Variants in REEP1 observed in about 807,000 individuals in gnomAD.
REEP1 encodes receptor accessory protein 1.
REEP1 carries 22 observed loss-of-function variants against 40.3 expected under a neutral mutation model. The observed-to-expected ratio is 0.55, with a 90% CI of 0.39 to 0.78. The LOEUF (loss-of-function observed/expected upper bound fraction) is 0.78, where lower values mean the gene tolerates loss of function less well. Ranked by LOEUF, REEP1 falls within the 30% of genes least tolerant of loss-of-function variation. REEP1 has a pLI of 0.00. For missense variants in REEP1, 280 were observed against 361.1 expected (o/e 0.78, Z 1.82); for synonymous variants, 116 against 139.2 (o/e 0.83, Z 1.17).
At chr2:86,337,676 C>T, upstream of REEP1, 1 of 1,006,120 alleles carries the variant, frequency 9.9e-7, no homozygotes, top group Non-Finnish European at 1.2e-6. The surrounding 1 kb of genome is among the most constrained non-coding windows in gnomAD (Gnocchi z 5.8). Flanking sequence ...GCAGCCGCGG[C>T]ACGTTCTGGC....
chr2:86,337,340 T>G lies in REEP1; in HGVS notation c.32+139A>C. 4.3e-6 allele frequency: 2 copies of G among 470,138 alleles called. No homozygotes were observed. The highest frequency in any genetic ancestry group is 4.6e-5 in the East Asian group (1 of 21,688). The allele number at this position is 470,138 out of a possible 1,614,324, so 29.1% of individuals were successfully genotyped here. The stretch of plus-strand genomic sequence containing the variant: ...TCCGCCCGCAGGCGTCCTCGGCGGC[T>G]ACTGTACCTGCTAAATTTAGCTGCG... On this transcript the variant is annotated intron_variant, in intron 1 of 8. Transcript: ENST00000538924. The surrounding 1 kb of genome is among the most constrained non-coding windows in gnomAD (Gnocchi z 5.8).
At chr2:86,255,185 C>T (rs1240806406) in intron 3 of REEP1, among the ~76,000 whole-genome samples, 1 of 152,182 alleles carries the variant, frequency 6.6e-6, no homozygotes, top group Admixed American at 6.5e-5. Flanking sequence ...AGGATCTCTT[C>T]TACGCTGTAC....
intron 2 of REEP1, among the ~76,000 whole-genome samples, chr2:86,278,837 T>C (rs1677906201): frequency 6.6e-6 from 1 of 152,250 alleles, no homozygotes; most frequent in East Asian, 1.9e-4. Context: ...CCCCAGTTCC[T>C]GGGTATCTTT....
chr2:86,267,151 G>T (rs142312088), intron 2 of REEP1, among the ~76,000 whole-genome samples: 1 of 152,062 alleles, frequency 6.6e-6, no homozygotes, highest in Non-Finnish European at 1.5e-5. Flanking sequence ...GTGTGGTTGT[G>T]TCCCCACTTA....
At chr2:86,253,904 G>T (rs1676412337) in intron 4 of REEP1, among the ~76,000 whole-genome samples, 1 of 152,204 alleles carries the variant, frequency 6.6e-6, no homozygotes, top group South Asian at 2.1e-4. Context: ...GTTAACGAAT[G>T]ATACAATGTT....
chr2:86,233,867 T>C (rs576336356), intron 5 of REEP1, among the ~76,000 whole-genome samples: 86 of 152,054 alleles, frequency 5.7e-4, no homozygotes, highest in African/African-American at 1.9e-3. Flanking sequence ...GCCACTTGGA[T>C]AATGAAGGAA....
chr2:86,270,463 G>C (rs1251453080), intron 2 of REEP1, among the ~76,000 whole-genome samples: 2 of 152,082 alleles, frequency 1.3e-5, no homozygotes, highest in African/African-American at 2.4e-5. Flanking sequence ...CCAAAGTGCT[G>C]GGATTACAGG....
intron 5 of REEP1, among the ~76,000 whole-genome samples, chr2:86,247,930 C>G (rs1676061066): frequency 6.6e-6 from 1 of 151,974 alleles, no homozygotes; most frequent in South Asian, 2.1e-4. Context: ...CATGATGATA[C>G]AAAAAACACT....
chr2:86,288,053 G>GCTGT (rs1678496668), intron 1 of REEP1, among the ~76,000 whole-genome samples: 1 of 142,464 alleles, frequency 7.0e-6, no homozygotes, highest in Admixed American at 6.7e-5. Context: ...ATGGAGTCTC[G>GCTGT]CTCCCATTGT....
chr2:86,271,703 G>C (rs146101241), intron 2 of REEP1, among the ~76,000 whole-genome samples: 1 of 152,222 alleles, frequency 6.6e-6, no homozygotes, highest in South Asian at 2.1e-4. Flanking sequence ...CACACTGCCA[G>C]GTTGTCTGTA....
At chr2:86,317,927 C>T (rs1187235325) in intron 1 of REEP1, among the ~76,000 whole-genome samples, 2 of 152,044 alleles carry the variant, frequency 1.3e-5, no homozygotes, top group Non-Finnish European at 1.5e-5. Context: ...GTTATTCAGA[C>T]CTGGGTATCT....
At chr2:86,315,553 CTCA>C (rs1282209203) in intron 1 of REEP1, among the ~76,000 whole-genome samples, 1 of 152,230 alleles carries the variant, frequency 6.6e-6, no homozygotes, top group African/African-American at 2.4e-5. Flanking sequence ...TGCCAGCTCA[CTCA>C]AGACCAGATG....
At chr2:86,277,254 AGGGGTAAAAGTCAAT>A (rs1677805539) in intron 2 of REEP1, among the ~76,000 whole-genome samples, 1 of 152,066 alleles carries the variant, frequency 6.6e-6, no homozygotes, top group South Asian at 2.1e-4. Context: ...TGTCTTGTTC[AGGGGTAAAAGTCAAT>A]GGGTTGCTTG....
In REEP1 at chr2:86,333,704, G is replaced by T. The variant is rs187323151; in HGVS notation, c.32+3775C>A. On this transcript the variant is annotated intron_variant, in intron 1 of 8. Coordinates refer to ENST00000538924, the MANE Select transcript of REEP1 (RefSeq NM_001371279.1). ...ACGTTGGTATCCCCCCTCCAAAAGG[G>T]TGCACAAAAACATGCTCTCCCCAGT... Among the ~76,000 whole-genome samples, 4 of 152,252 alleles carry T rather than the reference G, an allele frequency of 2.6e-5. No individual in the cohort carries two copies. The East Asian group carries it at 7.7e-4, about 29-fold the overall frequency.
At chr2:86,330,021 C>A (rs1054773395) in intron 1 of REEP1, among the ~76,000 whole-genome samples, 4 of 152,144 alleles carry the variant, frequency 2.6e-5, no homozygotes, top group Non-Finnish European at 5.9e-5. Flanking sequence ...CAGAGGGCAC[C>A]TTCCAAGGCT....
rs550647768 is a variant in REEP1, at chr2:86,297,294, A to G, written c.33-15052T>C. Among the ~76,000 whole-genome samples, 180 of 152,348 alleles carry G rather than the reference A, an allele frequency of 1.2e-3. 1 individual carries two copies. Among genetic ancestry groups the G allele is most frequent in the Middle Eastern group, 6.8e-3 (2 of 294 alleles). Reference sequence around the variant, plus strand: ...GGGGACCTTGGTGCTGGTCTTTGCTATACCACTTACTAGACATGGGTTCAT... The same window carrying G: ...GGGGACCTTGGTGCTGGTCTTTGCTGTACCACTTACTAGACATGGGTTCAT... On this transcript the variant is annotated intron_variant, in intron 1 of 8. Coordinates refer to ENST00000538924, the MANE Select transcript of REEP1 (RefSeq NM_001371279.1).
intron 2 of REEP1, among the ~76,000 whole-genome samples, chr2:86,270,515 T>C (rs527805944): frequency 6.6e-6 from 1 of 152,232 alleles, no homozygotes; most frequent in South Asian, 2.1e-4. Flanking sequence ...TTAAAAAGTA[T>C]AAATATGTTA....
chr2:86,304,303 A>G (rs72940180), intron 1 of REEP1, among the ~76,000 whole-genome samples: 4,152 of 152,298 alleles, frequency 0.027, 192 homozygotes, highest in African/African-American at 0.093. Flanking sequence ...CAAATTTGTC[A>G]CAGCAGTAAC....
intron 1 of REEP1, among the ~76,000 whole-genome samples, chr2:86,284,114 C>T (rs768651209): frequency 1.8e-4 from 28 of 152,114 alleles, no homozygotes; most frequent in Non-Finnish European, 3.8e-4. Context: ...GTTTGGTCAT[C>T]GCCCCCTTGG....
Sources: gnomAD v4.1 joint callset for allele counts (sites outside exome capture counted in the v4.1 genomes callset) on GRCh38, gnomAD v4.1.1 for gene constraint, Gnocchi (gnomAD v3.1) non-coding constraint, MANE v1.5 for transcripts, NCBI Gene and HGNC (gene_info 2026-07-23, HGNC 2026-07-21) for gene names.